SUGCT: variants seen among roughly 807,000 people sequenced by gnomAD.
SUGCT encodes the protein succinyl-CoA:glutarate CoA-transferase.
A neutral mutation model predicts 55.0 loss-of-function variants in SUGCT; 41 were observed. The observed-to-expected ratio is 0.74, with a 90% CI of 0.58 to 0.97. The LOEUF is 0.97. Among genes scored for constraint, SUGCT ranks in the 50% least tolerant of loss-of-function variants. The pLI is 0.00. For synonymous variants in SUGCT, 187 were observed against 200.4 expected (o/e 0.93, Z 0.56); for missense variants, 568 against 547.8 (o/e 1.04, Z -0.37).
chr7:40,222,465 A>G (rs1468331309), intron 6 of SUGCT, among the ~76,000 whole-genome samples: 2 of 152,190 alleles, frequency 1.3e-5, no homozygotes, highest in South Asian at 2.1e-4. Flanking sequence ...TGCTTCTGTC[A>G]CTATTGAACA....
intron 7 of SUGCT, among the ~76,000 whole-genome samples, chr7:40,272,063 GTCTCGC>G (rs1356567794): frequency 5.9e-4 from 42 of 70,822 alleles, no homozygotes; most frequent in African/African-American, 1.8e-3. Context: ...CTCTCTCTCT[GTCTCGC>G]TCTCTCTCTC....
intron 9 of SUGCT, among the ~76,000 whole-genome samples, chr7:40,410,534 G>A (rs966614802): frequency 2.9e-4 from 44 of 151,506 alleles, no homozygotes; most frequent in African/African-American, 1.0e-3. Flanking sequence ...TTTTATTTTA[G>A]CAGCTATTTT....
intron 3 of SUGCT, among the ~76,000 whole-genome samples, chr7:40,185,904 T>C (rs1462626472): frequency 6.6e-6 from 1 of 152,114 alleles, no homozygotes; most frequent in Admixed American, 6.6e-5. Context: ...ATATTATATA[T>C]TTAATTGTTT....
intron 12 of SUGCT, among the ~76,000 whole-genome samples, chr7:40,690,162 A>G (rs1362387224): frequency 1.3e-5 from 2 of 152,196 alleles, no homozygotes; most frequent in Non-Finnish European, 2.9e-5. Context: ...TGCCGAAAAC[A>G]TGTGGAGCTT....
chr7:40,375,312 T>A (rs1333317898), intron 9 of SUGCT, among the ~76,000 whole-genome samples: 1 of 152,216 alleles, frequency 6.6e-6, no homozygotes, highest in Non-Finnish European at 1.5e-5. Flanking sequence ...TCTTTGTGTA[T>A]GTAGAAGATT....
At chr7:40,517,678 C>T (rs905086145) in intron 12 of SUGCT, among the ~76,000 whole-genome samples, 8 of 152,106 alleles carry the variant, frequency 5.3e-5, no homozygotes, top group African/African-American at 1.4e-4. Flanking sequence ...CAGATTTTAC[C>T]TCTCTAAGCA....
intron 1 of SUGCT, among the ~76,000 whole-genome samples, chr7:40,160,903 T>G (rs1246603385): frequency 3.3e-5 from 5 of 152,114 alleles, no homozygotes; most frequent in Admixed American, 3.3e-4. Flanking sequence ...AACATGATTT[T>G]CATAGCATAC....
chr7:40,891,425 T>C, the SUGCT span, among the ~76,000 whole-genome samples: 1 of 152,024 alleles, frequency 6.6e-6, no homozygotes, highest in African/African-American at 2.4e-5. Flanking sequence ...AAGCAACTTA[T>C]CACATAAAAG....
At chr7:40,624,273 T>A (rs1799412112) in intron 12 of SUGCT, among the ~76,000 whole-genome samples, 1 of 152,188 alleles carries the variant, frequency 6.6e-6, no homozygotes, top group African/African-American at 2.4e-5. Context: ...GGACCTTTTT[T>A]AGGTAATCGC....
intron 12 of SUGCT, among the ~76,000 whole-genome samples, chr7:40,647,434 G>A (rs1416954029): frequency 6.6e-6 from 1 of 152,150 alleles, no homozygotes; most frequent in Non-Finnish European, 1.5e-5. Context: ...CAAATTATCG[G>A]TGAAAAGCAG....
At chr7:40,735,454 G>C (rs1361819619) in intron 12 of SUGCT, among the ~76,000 whole-genome samples, 1 of 152,106 alleles carries the variant, frequency 6.6e-6, no homozygotes, top group African/African-American at 2.4e-5. Context: ...CAATATGGGG[G>C]ACTATATGAC....
intron 1 of SUGCT, among the ~76,000 whole-genome samples, chr7:40,156,522 A>C (rs184247605): frequency 2.0e-5 from 3 of 152,220 alleles, no homozygotes; most frequent in African/African-American, 7.2e-5. Context: ...AGCCCAATAT[A>C]TGAGCAAATG....
At chr7:40,559,905 C>A (rs73689817) in intron 12 of SUGCT, among the ~76,000 whole-genome samples, 3,308 of 152,138 alleles carry the variant, frequency 0.022, 117 homozygotes, top group African/African-American at 0.072. Flanking sequence ...TAAGACAGTG[C>A]GTAAAGAGGT....
At chr7:40,877,409 C>T in the SUGCT span, among the ~76,000 whole-genome samples, 22 of 152,154 alleles carry the variant, frequency 1.4e-4, no homozygotes, top group Admixed American at 2.6e-4. Context: ...CCAGTGTAAA[C>T]GTAATTTTGA....
intron 7 of SUGCT, among the ~76,000 whole-genome samples, chr7:40,241,647 C>T (rs1427080263): frequency 2.7e-5 from 4 of 150,552 alleles, no homozygotes; most frequent in Non-Finnish European, 5.9e-5. Flanking sequence ...TATGGCCTGG[C>T]GTTGTGGCTC....
At chr7:40,726,274 T>C (rs1786606493) in intron 12 of SUGCT, among the ~76,000 whole-genome samples, 1 of 152,124 alleles carries the variant, frequency 6.6e-6, no homozygotes, top group South Asian at 2.1e-4. Context: ...ATATGTATTA[T>C]ATACTGTATT....
intron 12 of SUGCT, chr7:40,498,881 A>G (rs1420918987): frequency 2.8e-6 from 1 of 362,174 alleles, no homozygotes; most frequent in Admixed American, 3.6e-5. Context: ...CTTGCACTCT[A>G]CTATCCTTTT....
In SUGCT at chr7:40,411,120, C is replaced by T. The variant is rs185265532; in HGVS notation, c.817-38167C>T. 3.3e-4 allele frequency among the ~76,000 whole-genome samples: 50 copies of T among 152,228 alleles called. No homozygotes were observed. In the East Asian group the frequency reaches 4.7e-3, roughly 14 times the overall value. On this transcript the variant is annotated intron_variant, in intron 9 of 13. Transcript: ENST00000335693. Reference sequence around the variant, plus strand: ...CATAAGCCAATGAATTGGCTGGGCGCGGTGGCTCATGCCTGTAATCCCAGC... The same window carrying T: ...CATAAGCCAATGAATTGGCTGGGCGTGGTGGCTCATGCCTGTAATCCCAGC...
chr7:40,754,944 C>T (rs1377616221), intron 13 of SUGCT, among the ~76,000 whole-genome samples: 1 of 152,012 alleles, frequency 6.6e-6, no homozygotes, highest in Non-Finnish European at 1.5e-5. Flanking sequence ...ATCAACAATG[C>T]CAATGATTCT....
Sources: gnomAD v4.1 joint callset for allele counts (sites outside exome capture counted in the v4.1 genomes callset) on GRCh38, gnomAD v4.1.1 for gene constraint, MANE v1.5 for transcripts, NCBI Gene and HGNC (gene_info 2026-07-23, HGNC 2026-07-21) for gene names.